Variants in AHR observed in about 807,000 individuals in gnomAD.
AHR encodes aryl hydrocarbon receptor, also known as AH-receptor.
In AHR, 40 loss-of-function variants were observed where a neutral mutation model predicts 86.8. The observed-to-expected ratio is 0.46, with a 90% confidence interval of 0.36 to 0.60. AHR has a LOEUF of 0.60. AHR is among the 20% of genes least tolerant of loss of function. The pLI, the probability that AHR is intolerant of heterozygous loss-of-function variation, is 0.00. For synonymous variants in AHR, 398 were observed against 354.9 expected (o/e 1.12, Z -1.37); for missense variants, 1,001 against 1,011.6 (o/e 0.99, Z 0.14).
chr7:17,316,867 T>A (rs1244203508), intron 2 of AHR, among the ~76,000 whole-genome samples: 1 of 152,162 alleles, frequency 6.6e-6, no homozygotes, highest in East Asian at 1.9e-4. Context: ...CAGCAGGAGC[T>A]GTGGATGCTA....
intron 7 of AHR, 40 bp from the exon 8 acceptor site, chr7:17,334,847 C>T: frequency 1.4e-6 from 2 of 1,390,822 alleles, no homozygotes; most frequent in South Asian, 2.5e-5. Context: ...TATGTTAAAT[C>T]TTAATCCATT....
chr7:17,338,356 T>A lies in AHR; in HGVS notation c.1161-630T>A, dbSNP rs536824528. ...TTCTAATTCCTAATTTTTTTATTTT[T>A]TTATTATTATTATTTTTGAGACAGG... is the stretch of plus-strand genomic sequence containing the variant. On this transcript the variant is annotated intron_variant, in intron 9 of 10. Coordinates refer to ENST00000242057, the MANE Select transcript of AHR (RefSeq NM_001621.5). Among the ~76,000 whole-genome samples, 440 of 152,158 alleles carry A rather than the reference T, an allele frequency of 2.9e-3. 3 individuals are homozygous for A. The highest frequency in any genetic ancestry group is 9.7e-3 in the African/African-American group (403 of 41,538).
Position 17,343,798 on chromosome 7 carries a change from AATG to A in AHR, c.*737_*739del, listed in dbSNP as rs1227136167. On this transcript the variant is annotated 3_prime_UTR_variant, in exon 11 of 11. Coordinates refer to ENST00000242057, the MANE Select transcript of AHR (RefSeq NM_001621.5). ...TACTTTCTTCAGGTAAAGGGCAAAT[AATG>A]ATCGAAAAAATAATTATTTATTACA... 1 of 152,642 alleles carries A rather than the reference AATG, an allele frequency of 6.6e-6. No homozygotes were observed. Among genetic ancestry groups the A allele is most frequent in the Non-Finnish European group, 1.5e-5 (1 of 67,978 alleles). The allele number at this position is 152,642 out of a possible 1,614,324, so 9.5% of individuals were successfully genotyped here. A position where few individuals can be genotyped will look rare whatever the true frequency, so the allele number is the denominator to read the frequency against.
intron 1 of AHR, among the ~76,000 whole-genome samples, chr7:17,302,561 G>A (rs1170020436): frequency 6.6e-6 from 1 of 151,822 alleles, no homozygotes; most frequent in African/African-American, 2.4e-5. Context: ...GCTTTAGATA[G>A]CATATACATA....
intron 1 of AHR, among the ~76,000 whole-genome samples, chr7:17,305,178 C>T (rs1781993030): frequency 6.6e-6 from 1 of 152,138 alleles, no homozygotes; most frequent in Non-Finnish European, 1.5e-5. Context: ...AGCCAGAATT[C>T]TCAGAAGTTT....
At chr7:17,303,941 A>C (rs1382381962) in intron 1 of AHR, among the ~76,000 whole-genome samples, 1 of 152,126 alleles carries the variant, frequency 6.6e-6, no homozygotes, top group Non-Finnish European at 1.5e-5. Context: ...CATAGGCAAA[A>C]GTGTGGTTGG....
intron 7 of AHR, 93 bp downstream of exon 7, chr7:17,334,207 T>C (rs1782331391): frequency 9.1e-7 from 1 of 1,095,144 alleles, no homozygotes. Context: ...GTATGTAATA[T>C]TGTTTATTAT....
chr7:17,339,162 T>C lies in AHR; in HGVS notation c.1337T>C (p.Leu446Pro), dbSNP rs1782388870. 1 of 1,614,184 alleles carries C rather than the reference T, an allele frequency of 6.2e-7. No homozygotes were observed. The highest frequency in any genetic ancestry group is 8.5e-7 in the Non-Finnish European group (1 of 1,180,018). ...AAAGACTCTGCTACCACATCCACTCTAAGCAAGGACTCTCTCAATCCTAGT... is the reference window on the plus strand; with the variant it reads ...AAAGACTCTGCTACCACATCCACTCCAAGCAAGGACTCTCTCAATCCTAGT... Reference protein sequence around the residue: ...SGKDSATTSTLSKDSLNPSSL... With the variant: ...SGKDSATTSTPSKDSLNPSSL... The change falls in exon 10 of 11, where the codon CTA becomes CCA. Residue 446 changes from leucine to proline, a missense_variant. Coordinates refer to ENST00000242057, the MANE Select transcript of AHR (RefSeq NM_001621.5).
chr7:17,319,312 C>T (rs758611871), intron 2 of AHR, among the ~76,000 whole-genome samples: 1 of 151,990 alleles, frequency 6.6e-6, no homozygotes, highest in African/African-American at 2.4e-5. Context: ...GAATTTGTCT[C>T]AAGAGGTAGC....
At chr7:17,322,189 C>T (rs1782181634) in intron 2 of AHR, among the ~76,000 whole-genome samples, 1 of 151,974 alleles carries the variant, frequency 6.6e-6, no homozygotes, top group African/African-American at 2.4e-5. Flanking sequence ...CAGTGTTGTG[C>T]AGTTCTTTGA....
At chr7:17,307,810 G>A (rs1311033206) in intron 1 of AHR, among the ~76,000 whole-genome samples, 1 of 152,200 alleles carries the variant, frequency 6.6e-6, no homozygotes, top group East Asian at 1.9e-4. Flanking sequence ...GGCTGATCTT[G>A]TAAATCTCAG....
chr7:17,310,543 T>G (rs1187245007), intron 2 of AHR, among the ~76,000 whole-genome samples: 1 of 151,990 alleles, frequency 6.6e-6, no homozygotes, highest in Non-Finnish European at 1.5e-5. Context: ...AATCTTTTTT[T>G]TTTTTTTTGA....
chr7:17,322,206 T>C (rs929420806), intron 2 of AHR, among the ~76,000 whole-genome samples: 3 of 152,028 alleles, frequency 2.0e-5, no homozygotes, highest in African/African-American at 7.2e-5. Context: ...TTGAAACTCC[T>C]AAGTTTTGTG....
In AHR at chr7:17,333,978, A is replaced by G. The variant is rs779385734; in HGVS notation, c.772A>G (p.Ile258Val). Residue 258 changes from isoleucine (I) to valine (V), a missense_variant, in exon 7 of 11, where the codon ATA becomes GTA. By Grantham distance (29) the Ile-to-Val change is conservative. This residue lies in a region of AHR where 394 missense variants were observed against 468.5 expected (regional missense o/e 0.84). Transcript: ENST00000242057. The stretch of plus-strand genomic sequence containing the variant: ...GAAAAAGAAAGGGAAAGATGGATCA[A>G]TACTTCCACCTCAGTTGGCTTTGTT... ...GQKKKGKDGS[I>V]LPPQLALFAI... 4.3e-6 allele frequency: 7 copies of G among 1,613,554 alleles called. No individual in the cohort carries two copies. In the Admixed American group the frequency reaches 5.0e-5, roughly 12 times the overall value.
intron 10 of AHR, among the ~76,000 whole-genome samples, chr7:17,341,223 A>T (rs1782420245): frequency 6.6e-6 from 1 of 152,132 alleles, no homozygotes; most frequent in Non-Finnish European, 1.5e-5. Flanking sequence ...TGGCTTTTTC[A>T]TACATTTTGC....
At chr7:17,309,893 T>C (rs1214437250) in intron 1 of AHR, 43 bp from the exon 2 acceptor site, 1 of 1,460,378 alleles carries the variant, frequency 6.8e-7, no homozygotes, top group Non-Finnish European at 9.2e-7. Context: ...TTTTGCTTTA[T>C]ATTTTTTAAA....
At chr7:17,342,755 G>A (rs146133771) in intron 10 of AHR, among the ~76,000 whole-genome samples, 166 bp from the exon 11 acceptor site, 2 of 152,252 alleles carry the variant, frequency 1.3e-5, no homozygotes, top group Non-Finnish European at 2.9e-5. Context: ...TATGTCCTCA[G>A]TATGTCTTCA....
At chr7:17,332,295 A>T (rs944541018) in intron 6 of AHR, among the ~76,000 whole-genome samples, 5 of 151,956 alleles carry the variant, frequency 3.3e-5, no homozygotes, top group African/African-American at 1.2e-4. Context: ...TTTTAAATGT[A>T]TTATACTTTT....
At chr7:17,315,096 G>T (rs1314606847) in intron 2 of AHR, among the ~76,000 whole-genome samples, 1 of 151,726 alleles carries the variant, frequency 6.6e-6, no homozygotes, top group South Asian at 2.1e-4. Context: ...ATAAACCTAG[G>T]TTCTTTTAAA....
Sources: allele counts gnomAD v4.1 joint callset (sites outside exome capture counted in the v4.1 genomes callset), GRCh38; gene constraint gnomAD v4.1.1; regional missense constraint gnomAD v4.1.1; transcripts MANE v1.5; gene names NCBI Gene and HGNC (gene_info 2026-07-23, HGNC 2026-07-21).